The following SSH2 variants were observed in gnomAD, a reference collection of about 807,000 sequenced individuals.
SSH2 encodes slingshot protein phosphatase 2.
A neutral mutation model predicts 135.2 loss-of-function variants in SSH2; 37 were observed. The ratio of observed to expected loss-of-function variants is 0.27; its 90% CI spans 0.21 to 0.36. SSH2 has a LOEUF of 0.36. Ranked by LOEUF, SSH2 falls within the 10% of genes least tolerant of loss-of-function variation. The pLI is 1.00. For synonymous variants in SSH2, 628 were observed against 646.2 expected (o/e 0.97, Z 0.43); for missense variants, 1,408 against 1,765.3 (o/e 0.80, Z 3.63).
At chr17:29,764,085 G>A (rs563211809) in intron 3 of SSH2, among the ~76,000 whole-genome samples, 1 of 152,108 alleles carries the variant, frequency 6.6e-6, no homozygotes, top group South Asian at 2.1e-4. Context: ...GAGTAGCTGG[G>A]ATTACAGGTG....
chr17:29,814,924 G>A (rs1262580246), intron 2 of SSH2, among the ~76,000 whole-genome samples: 1 of 149,568 alleles, frequency 6.7e-6, no homozygotes, highest in African/African-American at 2.4e-5. Flanking sequence ...TGGGGAAAAT[G>A]TATAAATTAC....
chr17:29,687,058 G>A (rs1396503252), intron 5 of SSH2, among the ~76,000 whole-genome samples: 1 of 152,162 alleles, frequency 6.6e-6, no homozygotes, highest in Non-Finnish European at 1.5e-5. Context: ...TAGAGAAACA[G>A]AATTCTAATC....
intron 3 of SSH2, among the ~76,000 whole-genome samples, chr17:29,768,958 T>G (rs1598968456): frequency 1.3e-5 from 2 of 152,112 alleles, no homozygotes; most frequent in East Asian, 3.8e-4. Context: ...CTCACACCTG[T>G]AATCCTAGCA....
chr17:29,649,344 C>T (rs921095739), intron 13 of SSH2, among the ~76,000 whole-genome samples: 42 of 151,910 alleles, frequency 2.8e-4, no homozygotes, highest in Non-Finnish European at 1.5e-5. Context: ...CTTCTAGTAC[C>T]TTTTCCTTAT....
intron 3 of SSH2, among the ~76,000 whole-genome samples, chr17:29,710,049 A>G (rs2039379190): frequency 6.6e-6 from 1 of 152,200 alleles, no homozygotes; most frequent in African/African-American, 2.4e-5. Flanking sequence ...AGGGAAGAAA[A>G]TATTTAACTG....
chr17:29,926,050 C>T (rs754140082), intron 1 of SSH2, among the ~76,000 whole-genome samples: 1 of 151,970 alleles, frequency 6.6e-6, no homozygotes, highest in Non-Finnish European at 1.5e-5. Flanking sequence ...CTGATCCCTC[C>T]CTGCAAATCT....
At chr17:29,736,200 T>C (rs1567930267) in intron 3 of SSH2, among the ~76,000 whole-genome samples, 1 of 152,112 alleles carries the variant, frequency 6.6e-6, no homozygotes, top group Non-Finnish European at 1.5e-5. Flanking sequence ...GATTTCAGTA[T>C]AATAAAGGAT....
chr17:29,753,375 C>T (rs2041011526), intron 3 of SSH2, among the ~76,000 whole-genome samples: 1 of 151,780 alleles, frequency 6.6e-6, no homozygotes, highest in Non-Finnish European at 1.5e-5. Flanking sequence ...GGTGATACCC[C>T]CAACCTCAGC....
intron 3 of SSH2, among the ~76,000 whole-genome samples, chr17:29,739,486 A>G (rs2040485247): frequency 6.6e-6 from 1 of 152,236 alleles, no homozygotes; most frequent in African/African-American, 2.4e-5. Context: ...ATGATTCTAT[A>G]TATAAGGATC....
chr17:29,865,452 C>G (rs1382924178), intron 1 of SSH2, among the ~76,000 whole-genome samples: 1 of 152,206 alleles, frequency 6.6e-6, no homozygotes, highest in Non-Finnish European at 1.5e-5. Context: ...CAACCTCTTC[C>G]TGGCAGATAA....
At chr17:29,683,843 G>A (rs2038091298) in intron 6 of SSH2, among the ~76,000 whole-genome samples, 1 of 152,162 alleles carries the variant, frequency 6.6e-6, no homozygotes, top group South Asian at 2.1e-4. Context: ...TACTTAGGAG[G>A]CTGAGGTGGA....
chr17:29,639,510 G>GCA (rs1404889590), intron 14 of SSH2: 1 of 152,408 alleles, frequency 6.6e-6, no homozygotes, highest in East Asian at 1.9e-4. Flanking sequence ...TCTCAACTCT[G>GCA]CACCTGCTCT....
chr17:29,684,599 C>T lies in SSH2; in HGVS notation c.443G>A (p.Ser148Asn). ...GGAGAAATCCATTCCTAGGACGATG[C>T]TTTCTTCAGTGTCTTGTCTACCATT... ...STNGRQDTEE[S>N]IVLGMDFSSN... Residue 148 changes from serine to asparagine, a missense_variant, in exon 6 of 16, where the codon AGC (serine) becomes AAC (asparagine). Ser to Asn is a conservative substitution (Grantham distance 46, BLOSUM62 1). Coordinates refer to ENST00000540801, the MANE Select transcript of SSH2 (RefSeq NM_001282129.2). 6.2e-7 allele frequency: 1 copy of T among 1,612,310 alleles called. No individual in the cohort carries two copies. The highest frequency in any genetic ancestry group is 1.1e-5 in the South Asian group (1 of 91,038).
chr17:29,802,034 T>C (rs1365552831), intron 2 of SSH2, among the ~76,000 whole-genome samples: 1 of 152,198 alleles, frequency 6.6e-6, no homozygotes, highest in East Asian at 1.9e-4. Flanking sequence ...TTAAAACATA[T>C]TATTTTTTTT....
At position 29,630,752 on chromosome 17, in the gene SSH2, A is replaced by C; in HGVS notation, c.*89T>G. 1 of 1,381,936 alleles carries C rather than the reference A, an allele frequency of 7.2e-7. No homozygotes were observed. The highest frequency in any genetic ancestry group is 9.8e-7 in the Non-Finnish European group (1 of 1,020,710). The allele number at this position is 1,381,936 out of a possible 1,614,324, so 85.6% of individuals were successfully genotyped here. ...AGTAAAATGACCAAAATATTATAAA[A>C]TTAACCAATAAAGTGCATGTTCCTT... On this transcript the variant is annotated 3_prime_UTR_variant, in exon 16 of 16. Coordinates refer to ENST00000540801, the MANE Select transcript of SSH2 (RefSeq NM_001282129.2).
At chr17:29,879,153 CA>C (rs934306784) in intron 1 of SSH2, among the ~76,000 whole-genome samples, 1 of 151,844 alleles carries the variant, frequency 6.6e-6, no homozygotes, top group Non-Finnish European at 1.5e-5. Context: ...ATTTTCCCAA[CA>C]AAAAAATCAG....
chr17:29,897,457 A>G (rs1239771487), intron 1 of SSH2, among the ~76,000 whole-genome samples: 1 of 152,122 alleles, frequency 6.6e-6, no homozygotes, highest in Non-Finnish European at 1.5e-5. Flanking sequence ...CAAATGGAAA[A>G]CAAAAAAAGG....
At chr17:29,790,720 T>G (rs1035873031) in intron 3 of SSH2, among the ~76,000 whole-genome samples, 2 of 151,982 alleles carry the variant, frequency 1.3e-5, no homozygotes, top group Non-Finnish European at 2.9e-5. Context: ...GGTCTAATTG[T>G]ACTGAAAGAT....
chr17:29,785,544 C>T (rs1332275463), intron 3 of SSH2, among the ~76,000 whole-genome samples: 6 of 130,192 alleles, frequency 4.6e-5, no homozygotes, highest in Admixed American at 3.6e-4. Flanking sequence ...GTTGCCCAGG[C>T]TCTGGAGTGC....
Sources: gnomAD v4.1 joint callset for allele counts (sites outside exome capture counted in the v4.1 genomes callset) on GRCh38, gnomAD v4.1.1 for gene constraint, MANE v1.5 for transcripts, NCBI Gene and HGNC (gene_info 2026-07-23, HGNC 2026-07-21) for gene names.